NUP58: variants seen among roughly 807,000 people sequenced by gnomAD.
NUP58 encodes nucleoporin p58/p45.
In NUP58, 17 loss-of-function variants were observed where a neutral mutation model predicts 70.1. That is an observed-to-expected ratio of 0.24 (90% CI 0.17 to 0.36). The LOEUF (loss-of-function observed/expected upper bound fraction) is 0.36. Among genes scored for constraint, NUP58 ranks in the 10% least tolerant of loss-of-function variants. The probability of loss-of-function intolerance (pLI) is 1.00; values close to 1 mark genes in which losing one functional copy is unlikely to be tolerated. For synonymous variants in NUP58, 275 were observed against 257.6 expected (o/e 1.07, Z -0.65); for missense variants, 644 against 701.5 (o/e 0.92, Z 0.93).
At chr13:25,310,206 ATTTTTTTTTT>A (rs796547133) in intron 3 of NUP58, among the ~76,000 whole-genome samples, 733 of 47,500 alleles carry the variant, frequency 0.015, 10 homozygotes, top group African/African-American at 0.046. Flanking sequence ...CCCTTGGCTA[ATTTTTTTTTT>A]TTTTTTTTTT....
chr13:25,303,054 A>G (rs1439849455), intron 1 of NUP58: 1 of 456,420 alleles, frequency 2.2e-6, no homozygotes, highest in South Asian at 1.6e-5. Flanking sequence ...TTATGAAAAT[A>G]ATTTTGATTC....
intron 13 of NUP58, chr13:25,336,163 C>G (rs377296252): frequency 1.1e-5 from 15 of 1,354,550 alleles, no homozygotes; most frequent in Non-Finnish European, 1.5e-5. Context: ...TTGAATCTGT[C>G]AAGGTACACA....
Position 25,331,594 on chromosome 13 carries a change from C to T in NUP58, c.1435+36C>T, listed in dbSNP as rs745895109. On this transcript the variant is annotated intron_variant, in intron 13 of 15. Transcript: ENST00000381736. ...ATTCAAGTTATAGCTTCTTACTGTT[C>T]CAATGCAGAACATTTATGTGCGTTT... 2.5e-6 allele frequency: 4 copies of T among 1,598,596 alleles called. No homozygotes were observed. The East Asian group carries it at 9.1e-5, about 36-fold the overall frequency.
At chr13:25,336,821 G>A (rs1173940144) in intron 13 of NUP58, 115 bp from the exon 14 acceptor site, 9 of 674,710 alleles carry the variant, frequency 1.3e-5, no homozygotes, top group Non-Finnish European at 2.1e-5. Flanking sequence ...AATGGAATCA[G>A]TTAAAAGTAA....
At chr13:25,330,537 C>A (rs374176530) in intron 12 of NUP58, among the ~76,000 whole-genome samples, 2 of 152,266 alleles carry the variant, frequency 1.3e-5, no homozygotes, top group African/African-American at 4.8e-5. Context: ...AAATCTGTGT[C>A]TCTTCAAAAA....
At position 25,313,527 on chromosome 13, in the gene NUP58, C is replaced by T; in HGVS notation, c.437-87C>T. 6 of 1,216,212 alleles carry T rather than the reference C, an allele frequency of 4.9e-6. No homozygotes were observed. The South Asian group carries it at 1.1e-4, about 22-fold the overall frequency. The allele number at this position is 1,216,212 out of a possible 1,614,324, so 75.3% of individuals were successfully genotyped here. On this transcript the variant is annotated intron_variant, in intron 4 of 15. Transcript: ENST00000381736. Reference sequence around the variant, plus strand: ...AAAGAGCCAATTTTATCATGGATGTCAGTTTTTAAAAACATCGTATTTGTA... The same window carrying T: ...AAAGAGCCAATTTTATCATGGATGTTAGTTTTTAAAAACATCGTATTTGTA...
intron 12 of NUP58, among the ~76,000 whole-genome samples, chr13:25,328,405 T>C (rs2031482902): frequency 6.7e-6 from 1 of 149,816 alleles, no homozygotes. Context: ...CTTTTTTTTT[T>C]TTTTTTTTGA....
chr13:25,303,953 T>C (rs1018717943), intron 1 of NUP58, among the ~76,000 whole-genome samples: 4 of 152,232 alleles, frequency 2.6e-5, no homozygotes, highest in African/African-American at 9.6e-5. Context: ...AAGAGGAGAC[T>C]GTCCGACATA....
At chr13:25,301,931 C>T (rs750653698) in intron 1 of NUP58, 51 bp downstream of exon 1, 4 of 1,199,452 alleles carry the variant, frequency 3.3e-6, no homozygotes, top group Non-Finnish European at 4.8e-6. Flanking sequence ...CACCCCCACC[C>T]CCGCAAAGCT....
intron 3 of NUP58, among the ~76,000 whole-genome samples, chr13:25,309,808 G>GAAATGAA (rs2030560699): frequency 6.6e-6 from 1 of 152,092 alleles, no homozygotes; most frequent in South Asian, 2.1e-4. Flanking sequence ...AAAGGAAAAG[G>GAAATGAA]AAATGAAAGA....
Position 25,336,260 on chromosome 13 carries a change from T to C in NUP58, c.1436-676T>C, listed in dbSNP as rs770693534. ...AGAGCTTAAGAATAGAACTCAATTA[T>C]CACTTTTTGTGAACAAGTTGGAATT... On this transcript the variant is annotated intron_variant, in intron 13 of 15. Coordinates refer to ENST00000381736, the MANE Select transcript of NUP58 (RefSeq NM_014089.4). 5.1e-6 allele frequency: 7 copies of C among 1,366,104 alleles called. No individual in the cohort carries two copies. The Admixed American group carries it at 7.6e-5, about 15-fold the overall frequency. 84.6% of individuals were successfully genotyped at this position (1,366,104 alleles called of 1,614,324 possible).
intron 13 of NUP58, chr13:25,333,097 C>A: frequency 1.1e-5 from 11 of 985,204 alleles, no homozygotes; most frequent in Non-Finnish European, 1.3e-5. Flanking sequence ...AATACCTAAA[C>A]TTGAAGCAAA....
chr13:25,337,715 C>T (rs372964772), intron 14 of NUP58, among the ~76,000 whole-genome samples: 2 of 152,066 alleles, frequency 1.3e-5, no homozygotes, highest in South Asian at 4.2e-4. Context: ...AAATATAAGA[C>T]GGGAGACCTA....
intron 13 of NUP58, chr13:25,333,750 T>G: frequency 1.0e-6 from 1 of 985,356 alleles, no homozygotes; most frequent in South Asian, 4.7e-5. Flanking sequence ...AAGTTATCCC[T>G]TATGCCCTGT....
intron 1 of NUP58, among the ~76,000 whole-genome samples, chr13:25,304,763 C>G (rs530905405): frequency 4.0e-5 from 6 of 151,726 alleles, no homozygotes; most frequent in African/African-American, 1.5e-4. Flanking sequence ...CTCCTGACTT[C>G]AGGTGATCCA....
chr13:25,343,425 C>A (rs2032003467), downstream of NUP58, among the ~76,000 whole-genome samples: 1 of 151,150 alleles, frequency 6.6e-6, no homozygotes, highest in African/African-American at 2.4e-5. Context: ...GAGTAATAGT[C>A]TCCCAATCCC....
chr13:25,324,448 G>T (rs1324286047), intron 9 of NUP58, among the ~76,000 whole-genome samples: 1 of 152,068 alleles, frequency 6.6e-6, no homozygotes, highest in Admixed American at 6.6e-5. Context: ...CAGTTCTTCG[G>T]TCTTCTAGCA....
downstream of NUP58, among the ~76,000 whole-genome samples, chr13:25,342,892 C>A (rs746248110): frequency 1.3e-5 from 2 of 151,928 alleles, no homozygotes; most frequent in Non-Finnish European, 2.9e-5. Context: ...TTTTTCCCTT[C>A]TATTAGTATA....
rs759961300 is a variant in NUP58, at chr13:25,333,689, T to G, written c.1435+2131T>G. ...ATGATGTGAGATTTCTGAGCTCTGTTAGATACATTTAGAAATGTCCCTATT... is the reference window on the plus strand; with the variant it reads ...ATGATGTGAGATTTCTGAGCTCTGTGAGATACATTTAGAAATGTCCCTATT... On this transcript the variant is annotated intron_variant, in intron 13 of 15. Coordinates refer to ENST00000381736, the MANE Select transcript of NUP58 (RefSeq NM_014089.4). 923 of 985,284 alleles carry G rather than the reference T, an allele frequency of 9.4e-4. 2 individuals carry two copies. The highest frequency in any genetic ancestry group is 1.0e-3 in the Non-Finnish European group (869 of 829,926). The allele number at this position is 985,284 out of a possible 1,614,324, so 61.0% of individuals were successfully genotyped here. A position where few individuals can be genotyped will look rare whatever the true frequency, so the allele number is the denominator to read the frequency against.
Sources: gnomAD v4.1 joint callset for allele counts (sites outside exome capture counted in the v4.1 genomes callset) on GRCh38, gnomAD v4.1.1 for gene constraint, MANE v1.5 for transcripts, NCBI Gene and HGNC (gene_info 2026-07-23, HGNC 2026-07-21) for gene names.